The following LRRN3 variants were observed in gnomAD, a reference collection of about 807,000 sequenced individuals.
The protein encoded by LRRN3 is leucine rich repeat neuronal 3.
Under a neutral mutation model 40.1 loss-of-function variants are expected in LRRN3, and 15 were observed. The ratio of observed to expected loss-of-function variants is 0.37; its 90% CI spans 0.25 to 0.58. LRRN3 has a LOEUF of 0.58. Among genes scored for constraint, LRRN3 ranks in the 20% least tolerant of loss-of-function variants. The pLI, the probability that LRRN3 is intolerant of heterozygous loss-of-function variation, is 0.72. For missense variants in LRRN3, 746 were observed against 837.7 expected (o/e 0.89, Z 1.35); for synonymous variants, 308 against 297.2 (o/e 1.04, Z -0.37).
intron 2 of LRRN3, among the ~76,000 whole-genome samples, chr7:111,102,498 A>G (rs543709611): frequency 6.6e-6 from 1 of 151,678 alleles, no homozygotes; most frequent in South Asian, 2.1e-4. Context: ...CTGCTGCTTT[A>G]CATCAAACAT....
chr7:111,107,851 T>C (rs560886880), intron 2 of LRRN3, among the ~76,000 whole-genome samples: 14 of 152,282 alleles, frequency 9.2e-5, no homozygotes, highest in African/African-American at 3.1e-4. Context: ...GATAATATTA[T>C]AGACTCTAGC....
chr7:111,104,563 C>T (rs1798333183), intron 2 of LRRN3, among the ~76,000 whole-genome samples: 1 of 151,234 alleles, frequency 6.6e-6, no homozygotes, highest in African/African-American at 2.4e-5. Flanking sequence ...TGGTTGCCAG[C>T]AATAGTTGTA....
intron 2 of LRRN3, among the ~76,000 whole-genome samples, chr7:111,109,703 A>G (rs1798967195): frequency 6.6e-6 from 1 of 152,320 alleles, no homozygotes; most frequent in Admixed American, 6.5e-5. Flanking sequence ...TATTAGGGGA[A>G]TCAGATAAGG....
chr7:111,115,973 G>C (rs1451510581), intron 2 of LRRN3, among the ~76,000 whole-genome samples: 3 of 152,042 alleles, frequency 2.0e-5, no homozygotes, highest in African/African-American at 4.8e-5. Flanking sequence ...CACCACATCC[G>C]GCCGGAATTA....
intron 1 of LRRN3, among the ~76,000 whole-genome samples, chr7:111,097,593 C>T (rs1002632236): frequency 2.6e-5 from 4 of 151,202 alleles, no homozygotes; most frequent in Non-Finnish European, 5.9e-5. Context: ...GGAAAAAAAA[C>T]AAAAAAATGT....
intron 2 of LRRN3, among the ~76,000 whole-genome samples, chr7:111,101,602 A>T (rs1586269334): frequency 6.6e-6 from 1 of 151,686 alleles, no homozygotes; most frequent in Middle Eastern, 3.4e-3. Context: ...ACATAGGTAC[A>T]ACAGGTACAA....
chr7:111,115,590 A>G (rs1277372673), intron 2 of LRRN3, among the ~76,000 whole-genome samples: 1 of 152,104 alleles, frequency 6.6e-6, no homozygotes, highest in African/African-American at 2.4e-5. Flanking sequence ...TAGCTGTACT[A>G]TAACTAGATT....
chr7:111,120,481 TCCCTCCCA>T (rs1392935562), intron 2 of LRRN3, among the ~76,000 whole-genome samples: 1 of 152,064 alleles, frequency 6.6e-6, no homozygotes, highest in Non-Finnish European at 1.5e-5. Context: ...TCCCACCAGG[TCCCTCCCA>T]CAACACATGG....
At chr7:111,103,823 T>C (rs1016498091) in intron 2 of LRRN3, among the ~76,000 whole-genome samples, 8 of 151,666 alleles carry the variant, frequency 5.3e-5, no homozygotes, top group Non-Finnish European at 8.9e-5. Context: ...ATCACTCACC[T>C]TTCAGTAGAT....
At chr7:111,121,657 T>C (rs1800636215) in intron 2 of LRRN3, among the ~76,000 whole-genome samples, 1 of 152,190 alleles carries the variant, frequency 6.6e-6, no homozygotes, top group Non-Finnish European at 1.5e-5. Flanking sequence ...TCAACCATTG[T>C]AGAAGACAGT....
chr7:111,124,578 C>T lies in LRRN3; in HGVS notation c.1806C>T (p.Asn602=). ...ATATTCCCACCATCTATCAGAAAAA[C>T]AGAAAAAAATGTGTAAATGTCACCA... is the stretch of plus-strand genomic sequence containing the variant. ...CIDIPTIYQK[N]RKKCVNVTTK... is the part of the protein sequence containing the mutation. The change falls in exon 3 of 3, where the codon AAC becomes AAT. Residue 602 remains asparagine, a synonymous_variant. Coordinates refer to ENST00000308478, the MANE Select transcript of LRRN3 (RefSeq NM_001099658.2). 6.2e-7 allele frequency: 1 copy of T among 1,613,672 alleles called. No individual in the cohort carries two copies. Among genetic ancestry groups the T allele is most frequent in the Non-Finnish European group, 8.5e-7 (1 of 1,179,896 alleles).
At chr7:111,100,991 A>T (rs117182867) in intron 2 of LRRN3, among the ~76,000 whole-genome samples, 2,725 of 151,628 alleles carry the variant, frequency 0.018, 33 homozygotes, top group Middle Eastern at 0.031. Flanking sequence ...TTATAAGTTT[A>T]AAATTCCCCC....
At chr7:111,114,901 G>A (rs918509676) in intron 2 of LRRN3, among the ~76,000 whole-genome samples, 4 of 151,754 alleles carry the variant, frequency 2.6e-5, no homozygotes, top group African/African-American at 4.8e-5. Flanking sequence ...CCTAACTCCC[G>A]GGTCTGCATA....
At chr7:111,119,956 T>C (rs1285027071) in intron 2 of LRRN3, among the ~76,000 whole-genome samples, 1 of 152,150 alleles carries the variant, frequency 6.6e-6, no homozygotes, top group Non-Finnish European at 1.5e-5. Flanking sequence ...GGGGAGATTC[T>C]TGAACTGAGG....
At chr7:111,098,381 G>T (rs2129579378) in intron 1 of LRRN3, among the ~76,000 whole-genome samples, 1 of 151,848 alleles carries the variant, frequency 6.6e-6, no homozygotes, top group African/African-American at 2.4e-5. Flanking sequence ...TTTTAATGAG[G>T]AAGCAAAATT....
At chr7:111,120,537 G>A (rs772807866) in intron 2 of LRRN3, among the ~76,000 whole-genome samples, 22 of 152,102 alleles carry the variant, frequency 1.4e-4, no homozygotes, top group Admixed American at 4.6e-4. Context: ...AGATTTGGGC[G>A]GGGACACAGC....
At position 111,123,821 on chromosome 7, in the gene LRRN3, A is replaced by C. The variant is rs1800949021; in HGVS notation, c.1049A>C (p.Tyr350Ser). 2 of 1,613,886 alleles carry C rather than the reference A, an allele frequency of 1.2e-6. No individual in the cohort carries two copies. The highest frequency in any genetic ancestry group is 2.2e-5 in the South Asian group (2 of 91,080). The change falls in exon 3 of 3, where the codon TAC becomes TCC. Residue 350 changes from tyrosine to serine, a missense_variant. Transcript: ENST00000308478. This position sits in a 1 kb window ranked among gnomAD's most constrained non-coding sequence, Gnocchi z 6.4. ...MLNSNALSALYHGTIESLPNL... is the reference protein window; with the variant it reads ...MLNSNALSALSHGTIESLPNL... ...AACAGCAATGCTCTCAGTGCCCTGT[A>C]CCATGGTACCATTGAGTCTCTGCCA...
At chr7:111,111,663 C>A (rs1348649745) in intron 2 of LRRN3, among the ~76,000 whole-genome samples, 1 of 151,938 alleles carries the variant, frequency 6.6e-6, no homozygotes, top group Admixed American at 6.6e-5. Flanking sequence ...TAATGTCCCC[C>A]CCTGCGTCAA....
At position 111,122,990 on chromosome 7, in the gene LRRN3, T is replaced by C; in HGVS notation, c.218T>C (p.Ile73Thr). 6.2e-7 allele frequency: 1 copy of C among 1,614,036 alleles called. No homozygotes were observed. The highest frequency in any genetic ancestry group is 8.5e-7 in the Non-Finnish European group (1 of 1,179,954). ...FPARLPANTQ[I>T]LLLQTNNIAK... ...GCCAGATTGCCAGCTAACACACAGA[T>C]TCTTCTCCTACAGACTAACAATATT... Residue 73 changes from isoleucine (I) to threonine (T), a missense_variant, in exon 3 of 3, where the codon ATT becomes ACT. Physicochemically the swap from Ile to Thr is moderately conservative, Grantham distance 89. Transcript: ENST00000308478.
Sources: gnomAD v4.1 joint callset for allele counts (sites outside exome capture counted in the v4.1 genomes callset) on GRCh38, gnomAD v4.1.1 for gene constraint, Gnocchi (gnomAD v3.1) non-coding constraint, MANE v1.5 for transcripts, NCBI Gene and HGNC (gene_info 2026-07-23, HGNC 2026-07-21) for gene names.